Variants in DAPK1 observed in about 807,000 individuals in gnomAD.
DAPK1 encodes the protein death-associated protein kinase 1.
Under a neutral mutation model 144.9 loss-of-function variants are expected in DAPK1, and 56 were observed. The observed-to-expected ratio is 0.39, with a 90% confidence interval of 0.31 to 0.48. The LOEUF (loss-of-function observed/expected upper bound fraction) is 0.48, where lower values mean the gene tolerates loss of function less well. Ranked by LOEUF, DAPK1 falls within the 20% of genes least tolerant of loss-of-function variation. The pLI is 0.95. For synonymous variants in DAPK1, 690 were observed against 749.0 expected (o/e 0.92, Z 1.29); for missense variants, 1,454 against 1,875.4 (o/e 0.78, Z 4.15).
intron 17 of DAPK1, among the ~76,000 whole-genome samples, chr9:87,653,784 C>T (rs1830539909): frequency 1.3e-5 from 2 of 152,064 alleles, no homozygotes; most frequent in Admixed American, 1.3e-4. Context: ...ACCTCTGCCT[C>T]CTGGGCTCAA....
chr9:87,618,899 G>T lies in DAPK1; in HGVS notation c.284+13724G>T, dbSNP rs545512098. On this transcript the variant is annotated intron_variant, in intron 3 of 25. Transcript: ENST00000408954. ...GTGGTACACTTTAAAAGAGTGAATTGTATGGTGCGTGAATTATATATCAAG... is the reference window on the plus strand; with the variant it reads ...GTGGTACACTTTAAAAGAGTGAATTTTATGGTGCGTGAATTATATATCAAG... Among the ~76,000 whole-genome samples the T allele has an allele frequency of 5.3e-5, 8 of 152,304 alleles. No homozygotes were observed. The South Asian group carries it at 1.5e-3, about 28-fold the overall frequency.
At chr9:87,585,576 A>G (rs1461885979) in intron 2 of DAPK1, among the ~76,000 whole-genome samples, 2 of 152,250 alleles carry the variant, frequency 1.3e-5, no homozygotes, top group African/African-American at 4.8e-5. Flanking sequence ...TTATTCTTCT[A>G]ATAAGGTGAA....
chr9:87,641,139 C>T (rs1173949311), intron 9 of DAPK1, among the ~76,000 whole-genome samples: 1 of 152,200 alleles, frequency 6.6e-6, no homozygotes, highest in Non-Finnish European at 1.5e-5. Context: ...GTGTATTTAA[C>T]ATTTTATGTT....
intron 2 of DAPK1, among the ~76,000 whole-genome samples, chr9:87,517,799 C>T (rs1255100948): frequency 2.0e-5 from 3 of 152,202 alleles, no homozygotes; most frequent in Non-Finnish European, 4.4e-5. Flanking sequence ...TGGCTGTTTC[C>T]TTTCCATCCC....
At chr9:87,600,205 T>C (rs984361276) in intron 2 of DAPK1, among the ~76,000 whole-genome samples, 1 of 152,196 alleles carries the variant, frequency 6.6e-6, no homozygotes, top group East Asian at 1.9e-4. Context: ...GCCTCTCCAA[T>C]TTTCCACGAT....
intron 21 of DAPK1, among the ~76,000 whole-genome samples, chr9:87,692,143 C>CT (rs2117969378): frequency 6.6e-6 from 1 of 152,068 alleles, no homozygotes; most frequent in East Asian, 1.9e-4. Flanking sequence ...ATAATATTTG[C>CT]TGTAAATATC....
At chr9:87,572,791 TTC>T (rs1278172178) in intron 2 of DAPK1, among the ~76,000 whole-genome samples, 1 of 152,202 alleles carries the variant, frequency 6.6e-6, no homozygotes, top group East Asian at 1.9e-4. Flanking sequence ...AATTTACCCA[TTC>T]TCAGGTATTT....
At chr9:87,589,727 A>G (rs368780974) in intron 2 of DAPK1, among the ~76,000 whole-genome samples, 81 of 152,338 alleles carry the variant, frequency 5.3e-4, no homozygotes, top group African/African-American at 1.8e-3. Flanking sequence ...TATATTAGCC[A>G]TTCCTCTTTG....
intron 2 of DAPK1, among the ~76,000 whole-genome samples, chr9:87,527,732 C>T (rs977965489): frequency 2.6e-5 from 4 of 152,236 alleles, no homozygotes; most frequent in Non-Finnish European, 5.9e-5. Flanking sequence ...GAGCTTCTTT[C>T]TGAACTGTTA....
At chr9:87,528,469 C>T (rs1415238471) in intron 2 of DAPK1, among the ~76,000 whole-genome samples, 8 of 152,096 alleles carry the variant, frequency 5.3e-5, no homozygotes, top group African/African-American at 7.2e-5. Context: ...CCACCCGCCT[C>T]GGCCTCCCAA....
chr9:87,678,525 A>C (rs994357629), intron 19 of DAPK1, among the ~76,000 whole-genome samples: 8 of 152,264 alleles, frequency 5.3e-5, no homozygotes, highest in Non-Finnish European at 1.0e-4. Flanking sequence ...GACAGCACTC[A>C]GCAAAGATAA....
chr9:87,571,456 CACACACACACACACACA>C (rs1827331665), intron 2 of DAPK1, among the ~76,000 whole-genome samples: 1 of 65,716 alleles, frequency 1.5e-5, no homozygotes, highest in African/African-American at 8.2e-5. Flanking sequence ...CACACACACA[CACACACACACACACACA>C]CCAACACACA....
At chr9:87,662,560 G>GTTTTTTT (rs71507734) in intron 18 of DAPK1, among the ~76,000 whole-genome samples, 1,199 of 31,918 alleles carry the variant, frequency 0.038, 266 homozygotes, top group Middle Eastern at 0.083. Flanking sequence ...TATATTCCTA[G>GTTTTTTT]TTTTTTTTTT....
chr9:87,518,814 C>T (rs1469197569), intron 2 of DAPK1, among the ~76,000 whole-genome samples: 1 of 152,004 alleles, frequency 6.6e-6, no homozygotes, highest in East Asian at 1.9e-4. Context: ...TGGCCCGCGC[C>T]CAGTATTTGG....
intron 18 of DAPK1, among the ~76,000 whole-genome samples, chr9:87,659,495 A>C (rs953464315): frequency 6.6e-6 from 1 of 152,224 alleles, no homozygotes; most frequent in Non-Finnish European, 1.5e-5. Context: ...GTGTGGCCTC[A>C]TGAAAGACCC....
chr9:87,531,075 T>G (rs1825681139), intron 2 of DAPK1, among the ~76,000 whole-genome samples: 1 of 152,232 alleles, frequency 6.6e-6, no homozygotes, highest in Non-Finnish European at 1.5e-5. Flanking sequence ...ATCTAATTCC[T>G]TCTCTGGAGT....
intron 25 of DAPK1, among the ~76,000 whole-genome samples, chr9:87,705,499 G>A (rs1347352622): frequency 6.6e-6 from 1 of 152,146 alleles, no homozygotes; most frequent in South Asian, 2.1e-4. Flanking sequence ...TGGGATTACA[G>A]GCATGAGTCA....
At chr9:87,674,367 T>C (rs2119302531) in intron 19 of DAPK1, among the ~76,000 whole-genome samples, 1 of 151,690 alleles carries the variant, frequency 6.6e-6, no homozygotes, top group South Asian at 2.1e-4. Context: ...TAAAATAAAT[T>C]AGCCAGAGAT....
At chr9:87,515,256 G>A (rs949078583) in intron 2 of DAPK1, among the ~76,000 whole-genome samples, 8 of 152,128 alleles carry the variant, frequency 5.3e-5, no homozygotes, top group African/African-American at 1.9e-4. Context: ...TAACTCAAAA[G>A]CAGCCACAGA....
Sources: gnomAD v4.1 joint callset for allele counts (sites outside exome capture counted in the v4.1 genomes callset) on GRCh38, gnomAD v4.1.1 for gene constraint, MANE v1.5 for transcripts, NCBI Gene and HGNC (gene_info 2026-07-23, HGNC 2026-07-21) for gene names.